The following PDSS1 variants were observed in gnomAD, a reference collection of about 807,000 sequenced individuals.
The protein encoded by PDSS1 is decaprenyl diphosphate synthase subunit 1, also known as all trans-polyprenyl-diphosphate synthase PDSS1.
PDSS1 carries 43 observed loss-of-function variants against 57.5 expected under a neutral mutation model. The ratio of observed to expected loss-of-function variants is 0.75; its 90% confidence interval spans 0.59 to 0.96. The LOEUF (loss-of-function observed/expected upper bound fraction) is 0.96, where lower values mean the gene tolerates loss of function less well. PDSS1 is among the 50% of genes least tolerant of loss of function. PDSS1 has a pLI of 0.00. For synonymous variants in PDSS1, 175 were observed against 191.3 expected (o/e 0.91, Z 0.70); for missense variants, 438 against 527.8 (o/e 0.83, Z 1.67).
intron 8 of PDSS1, among the ~76,000 whole-genome samples, chr10:26,728,919 C>T (rs893537537): frequency 6.6e-6 from 1 of 151,566 alleles, no homozygotes; most frequent in South Asian, 2.1e-4. Flanking sequence ...GCTGGGATTA[C>T]ATGCGGCTGC....
intron 5 of PDSS1, 100 bp downstream of exon 5, chr10:26,709,868 A>G (rs924415444): frequency 3.8e-6 from 5 of 1,306,768 alleles, no homozygotes; most frequent in Non-Finnish European, 4.4e-6. Context: ...ATTAGCATAT[A>G]CCGGCTGGGC....
At chr10:26,714,602 C>G (rs2132243761) in intron 5 of PDSS1, 1 of 152,354 alleles carries the variant, frequency 6.6e-6, no homozygotes, top group South Asian at 2.1e-4. Context: ...TGCTCAGCTG[C>G]CTCATTGAAG....
chr10:26,727,011 A>G (rs961938095), intron 8 of PDSS1, among the ~76,000 whole-genome samples: 1 of 151,966 alleles, frequency 6.6e-6, no homozygotes, highest in African/African-American at 2.4e-5. Flanking sequence ...GCAGTGAGCC[A>G]AGATCACTCC....
chr10:26,735,653 G>A (rs1836371249), intron 10 of PDSS1, 74 bp downstream of exon 10: 1 of 842,578 alleles, frequency 1.2e-6, no homozygotes, highest in African/African-American at 1.7e-5. Context: ...CACAGCTGAT[G>A]GGAAGATTGC....
At chr10:26,723,946 T>C in intron 7 of PDSS1, 29 bp downstream of exon 7, 3 of 1,588,194 alleles carry the variant, frequency 1.9e-6, no homozygotes, top group Middle Eastern at 1.7e-4. Context: ...TTCTTCTTTG[T>C]TATTCAACCC....
chr10:26,703,640 T>C (rs1425871524), intron 2 of PDSS1, among the ~76,000 whole-genome samples: 1 of 152,150 alleles, frequency 6.6e-6, no homozygotes, highest in Non-Finnish European at 1.5e-5. Context: ...GAAGGAGGAT[T>C]GTCACTTTGT....
chr10:26,707,574 G>T (rs1835277229), intron 4 of PDSS1, among the ~76,000 whole-genome samples: 1 of 152,100 alleles, frequency 6.6e-6, no homozygotes, highest in African/African-American at 2.4e-5. Flanking sequence ...CCTTCACTCT[G>T]CACTTTGTTC....
intron 10 of PDSS1, among the ~76,000 whole-genome samples, chr10:26,739,492 A>T (rs887574716): frequency 1.3e-5 from 2 of 152,238 alleles, no homozygotes; most frequent in Non-Finnish European, 2.9e-5. Flanking sequence ...TAGTCACTCA[A>T]TGCAAATATT....
Position 26,724,026 on chromosome 10 carries a change from A to G in PDSS1, c.734A>G (p.Gln245Arg). The G allele has an allele frequency of 6.2e-7, 1 of 1,613,692 alleles. No individual in the cohort carries two copies. Among genetic ancestry groups the G allele is most frequent in the Non-Finnish European group, 8.5e-7 (1 of 1,179,602 alleles). Residue 245 changes from glutamine (Q) to arginine (R), a missense_variant, in exon 8 of 12, where the codon CAG becomes CGG. Gln to Arg is a conservative substitution (Grantham distance 43, BLOSUM62 1). Transcript: ENST00000376215. ...IEDLVRGEFL[Q>R]LGSKENENER... ...TCCTTCTTTATAGGTGAATTTCTTC[A>G]GCTCGGGTCAAAAGAAAATGAGAAT...
At chr10:26,706,722 G>C (rs1164433829) in intron 4 of PDSS1, among the ~76,000 whole-genome samples, 1 of 152,052 alleles carries the variant, frequency 6.6e-6, no homozygotes, top group Non-Finnish European at 1.5e-5. Context: ...CTATTGCACT[G>C]GGGCCCCCTT....
intron 8 of PDSS1, among the ~76,000 whole-genome samples, chr10:26,732,152 C>G (rs1836230487): frequency 6.6e-6 from 1 of 152,248 alleles, no homozygotes; most frequent in African/African-American, 2.4e-5. Context: ...AGGCATCCCT[C>G]TGATGCTGAG....
intron 1 of PDSS1, among the ~76,000 whole-genome samples, chr10:26,700,899 C>T (rs1182788841): frequency 6.6e-6 from 1 of 152,040 alleles, no homozygotes; most frequent in East Asian, 1.9e-4. Flanking sequence ...AACTGGGTAA[C>T]AAGCAGAGGT....
intron 10 of PDSS1, among the ~76,000 whole-genome samples, chr10:26,740,024 C>A (rs1357235303): frequency 6.6e-6 from 1 of 152,112 alleles, no homozygotes; most frequent in Admixed American, 6.5e-5. Flanking sequence ...CGCCTGTAGT[C>A]CCAAGTACTC....
In PDSS1 at chr10:26,742,560, C is replaced by T. The variant is rs1052709646; in HGVS notation, c.1090C>T (p.Arg364Ter). The change falls in exon 11 of 12, where the codon CGA becomes TGA. Residue 364 changes from arginine (R) to a stop codon, truncating the protein, a stop_gained. Coordinates refer to ENST00000376215, the MANE Select transcript of PDSS1 (RefSeq NM_014317.5). LOFTEE classifies it high-confidence loss of function. ...TTTGCCTGGAGATGTAGACAGAGCT[C>T]GACAGTATGTACTACAGGTAAGACT... ...FSLPGDVDRA[R>*]QYVLQSDGVQ... The T allele has an allele frequency of 6.2e-6, 10 of 1,607,938 alleles. No individual in the cohort carries two copies. Among genetic ancestry groups the T allele is most frequent in the Admixed American group, 3.3e-5 (2 of 59,950 alleles).
chr10:26,722,183 G>A (rs1564271), intron 6 of PDSS1, among the ~76,000 whole-genome samples: 38,533 of 152,068 alleles, frequency 0.25, 5,233 homozygotes, highest in Middle Eastern at 0.34. Context: ...GGGCTGGGTC[G>A]GGGAATGTAA....
chr10:26,735,638 C>T (rs1054277859), intron 10 of PDSS1, 59 bp downstream of exon 10: 30 of 931,362 alleles, frequency 3.2e-5, no homozygotes, highest in Middle Eastern at 2.1e-4. Flanking sequence ...ACTGATGTCC[C>T]GCGGCACAGC....
At chr10:26,712,955 T>TTTTTGTTTG (rs1835442953) in intron 5 of PDSS1, among the ~76,000 whole-genome samples, 1 of 96,910 alleles carries the variant, frequency 1.0e-5, no homozygotes. Flanking sequence ...TGCTGTGTTT[T>TTTTTGTTTG]TTTGTTTTTT....
intron 7 of PDSS1, 31 bp from the exon 8 acceptor site, chr10:26,723,983 C>T (rs757403979): frequency 1.9e-6 from 3 of 1,592,784 alleles, no homozygotes; most frequent in Admixed American, 3.3e-5. Flanking sequence ...AATAAAGCCA[C>T]CTCTCAAATG....
At chr10:26,720,893 A>G (rs1349632536) in intron 6 of PDSS1, among the ~76,000 whole-genome samples, 1 of 152,234 alleles carries the variant, frequency 6.6e-6, no homozygotes, top group Admixed American at 6.5e-5. Flanking sequence ...TATGGGAAAC[A>G]GGGACTTGGT....
Sources: gnomAD v4.1 joint callset for allele counts (sites outside exome capture counted in the v4.1 genomes callset) on GRCh38, gnomAD v4.1.1 for gene constraint, MANE v1.5 for transcripts, NCBI Gene and HGNC (gene_info 2026-07-23, HGNC 2026-07-21) for gene names.